The following CCDC171 variants were observed in gnomAD, a reference collection of about 807,000 sequenced individuals.
The protein encoded by CCDC171 is coiled-coil domain-containing protein 171.
In CCDC171, 177 loss-of-function variants were observed where a neutral mutation model predicts 168.2. The observed-to-expected ratio is 1.05, with a 90% CI of 0.93 to 1.19. CCDC171 has a LOEUF of 1.19. Ranked by LOEUF, CCDC171 falls within the 50% of genes most tolerant of loss-of-function variation. The pLI is 0.00. For missense variants in CCDC171, 1,991 were observed against 1,539.0 expected (o/e 1.29, Z -4.91); for synonymous variants, 687 against 540.8 (o/e 1.27, Z -3.75).
At chr9:15,704,788 T>A (rs566250790) in intron 11 of CCDC171, among the ~76,000 whole-genome samples, 1 of 152,112 alleles carries the variant, frequency 6.6e-6, no homozygotes, top group African/African-American at 2.4e-5. Context: ...CCAGAAGTTA[T>A]TTACCGAGAG....
chr9:15,961,275 A>G (rs541446677), intron 25 of CCDC171, among the ~76,000 whole-genome samples: 3 of 152,262 alleles, frequency 2.0e-5, no homozygotes, highest in Non-Finnish European at 2.9e-5. Context: ...GACATTAAAT[A>G]AAAAAGGTTT....
chr9:15,774,246 TAAAAAAAA>T (rs56239417), intron 18 of CCDC171, among the ~76,000 whole-genome samples: 1 of 37,986 alleles, frequency 2.6e-5, no homozygotes, highest in African/African-American at 9.5e-5. Context: ...ACGCTGTCTT[TAAAAAAAA>T]AAAAAAAAAA....
chr9:15,754,759 T>C (rs1212925379), intron 18 of CCDC171, among the ~76,000 whole-genome samples: 1 of 152,166 alleles, frequency 6.6e-6, no homozygotes. Context: ...ACCTATCTCA[T>C]AGAGTTATTT....
intron 9 of CCDC171, among the ~76,000 whole-genome samples, chr9:15,675,804 AT>A (rs1185572992): frequency 6.6e-6 from 1 of 151,878 alleles, no homozygotes; most frequent in East Asian, 1.9e-4. Flanking sequence ...TGCCCTTAAC[AT>A]TTTTTCCTTC....
At chr9:15,642,341 G>A (rs1294521107) in intron 7 of CCDC171, among the ~76,000 whole-genome samples, 7 of 40,940 alleles carry the variant, frequency 1.7e-4, no homozygotes, top group Admixed American at 1.1e-3. Flanking sequence ...ACGTGTGTGT[G>A]TGTATATATA....
intron 18 of CCDC171, 49 bp from the exon 19 acceptor site, chr9:15,777,551 C>A: frequency 9.0e-7 from 1 of 1,110,704 alleles, no homozygotes; most frequent in Non-Finnish European, 1.3e-6. Flanking sequence ...TTGTGAAATG[C>A]ACAAGAGACA....
intron 3 of CCDC171, 84 bp downstream of exon 3, chr9:15,571,843 A>T (rs2040247187): frequency 1.7e-6 from 2 of 1,210,422 alleles, no homozygotes; most frequent in South Asian, 2.9e-5. Flanking sequence ...TCCATGTTTA[A>T]CCTTTATAAC....
intron 23 of CCDC171, among the ~76,000 whole-genome samples, chr9:15,857,422 G>T (rs1050175570): frequency 6.6e-6 from 1 of 151,634 alleles, no homozygotes; most frequent in Non-Finnish European, 1.5e-5. Context: ...TGTAAGGTAG[G>T]CTCCATTTTT....
intron 11 of CCDC171, among the ~76,000 whole-genome samples, chr9:15,700,669 C>T (rs754410239): frequency 3.3e-5 from 5 of 151,358 alleles, no homozygotes; most frequent in Non-Finnish European, 7.4e-5. Flanking sequence ...TTTTTTTTAA[C>T]GAGTTAGACT....
chr9:15,921,331 A>G (rs1484798022), intron 25 of CCDC171, among the ~76,000 whole-genome samples: 1 of 151,694 alleles, frequency 6.6e-6, no homozygotes, highest in Non-Finnish European at 1.5e-5. Flanking sequence ...AGGGTATTCA[A>G]AATCACAACC....
At chr9:15,659,446 A>T (rs1587795626) in intron 8 of CCDC171, among the ~76,000 whole-genome samples, 1 of 152,212 alleles carries the variant, frequency 6.6e-6, no homozygotes, top group African/African-American at 2.4e-5. Context: ...ATTAACTTTA[A>T]TGAAGATTGT....
At chr9:15,641,639 C>T (rs2046613647) in intron 7 of CCDC171, among the ~76,000 whole-genome samples, 1 of 152,098 alleles carries the variant, frequency 6.6e-6, no homozygotes, top group African/African-American at 2.4e-5. Context: ...AGGAGACATT[C>T]TTCTCTATAT....
At chr9:15,572,425 T>C (rs1341945482) in intron 3 of CCDC171, among the ~76,000 whole-genome samples, 1 of 152,182 alleles carries the variant, frequency 6.6e-6, no homozygotes, top group East Asian at 1.9e-4. Flanking sequence ...TCCTGGCCTT[T>C]CCATTTACAA....
chr9:15,744,873 T>C lies in CCDC171; in HGVS notation c.2554+96T>C, dbSNP rs188068048. ...TTATGGAAAAACTCTTAAAAAATCATGTAATATGCCAAATAATATAACATA... is the reference window on the plus strand; with the variant it reads ...TTATGGAAAAACTCTTAAAAAATCACGTAATATGCCAAATAATATAACATA... On this transcript the variant is annotated intron_variant, in intron 17 of 25. Transcript: ENST00000380701. 1.2e-5 allele frequency: 13 copies of C among 1,126,930 alleles called. No homozygotes were observed. In the African/African-American group the frequency reaches 1.9e-4, roughly 16 times the overall value. The allele number at this position is 1,126,930 out of a possible 1,614,324, so 69.8% of individuals were successfully genotyped here. A position where few individuals can be genotyped will look rare whatever the true frequency, so the allele number is the denominator to read the frequency against.
At chr9:15,698,291 G>A (rs981365166) in intron 11 of CCDC171, among the ~76,000 whole-genome samples, 10 of 152,130 alleles carry the variant, frequency 6.6e-5, no homozygotes, top group African/African-American at 2.2e-4. Context: ...GGAGGCCGAG[G>A]GGGGTGGATC....
chr9:15,821,937 A>T lies in CCDC171; in HGVS notation c.3268-24765A>T, dbSNP rs185341370. Among the ~76,000 whole-genome samples the T allele has an allele frequency of 2.8e-4, 14 of 49,194 alleles. 2 individuals are homozygous for T. The highest frequency in any genetic ancestry group is 1.8e-3 in the South Asian group (3 of 1,690). The allele number at this position is 49,194 out of a possible 152,430, so 32.3% of individuals were successfully genotyped here. On this transcript the variant is annotated intron_variant, in intron 21 of 25. Transcript: ENST00000380701. Reference sequence around the variant, plus strand: ...CACGCTACCTGACTTCAAACTATACAACAAGGCTACAGTAACCAAAACACC... The same window carrying T: ...CACGCTACCTGACTTCAAACTATACTACAAGGCTACAGTAACCAAAACACC...
chr9:16,053,071 A>G (rs1222509108), intron 1 of CCDC171, among the ~76,000 whole-genome samples: 1 of 152,254 alleles, frequency 6.6e-6, no homozygotes, highest in East Asian at 1.9e-4. Flanking sequence ...TCATATCCAC[A>G]GGAATAATTC....
In CCDC171 at chr9:16,007,778, T is replaced by C. The variant is rs373937852; in HGVS notation, n.369-12811T>C. Reference sequence around the variant, plus strand: ...ATTATTTCTGAGGGCTCTGTTCTGTTCCATTGGTCTATGTCTCTGTTTTGG... The same window carrying C: ...ATTATTTCTGAGGGCTCTGTTCTGTCCCATTGGTCTATGTCTCTGTTTTGG... On this transcript the variant is annotated intron_variant and non_coding_transcript_variant, in intron 3 of 9. Transcript: ENST00000486641. 2.0e-5 allele frequency among the ~76,000 whole-genome samples: 3 copies of C among 152,340 alleles called. No individual in the cohort carries two copies. In the East Asian group the frequency reaches 5.8e-4, roughly 29 times the overall value.
intron 15 of CCDC171, among the ~76,000 whole-genome samples, chr9:15,729,279 A>G (rs1446710276): frequency 6.6e-6 from 1 of 152,056 alleles, no homozygotes; most frequent in East Asian, 1.9e-4. Context: ...TCCCATTGAG[A>G]TATTTGAATA....
Sources: allele counts gnomAD v4.1 joint callset (sites outside exome capture counted in the v4.1 genomes callset), GRCh38; gene constraint gnomAD v4.1.1; transcripts MANE v1.5; gene names NCBI Gene and HGNC (gene_info 2026-07-23, HGNC 2026-07-21).